Variants in TMTC4 observed in about 807,000 individuals in gnomAD.
The protein encoded by TMTC4 is protein O-mannosyl-transferase TMTC4.
A neutral mutation model predicts 86.0 loss-of-function variants in TMTC4; 65 were observed. The observed-to-expected ratio is 0.76, with a 90% confidence interval of 0.62 to 0.93. The LOEUF (loss-of-function observed/expected upper bound fraction) is 0.93. Among genes scored for constraint, TMTC4 ranks in the 40% least tolerant of loss-of-function variants. The pLI, the probability that TMTC4 is intolerant of heterozygous loss-of-function variation, is 0.00. For synonymous variants in TMTC4, 379 were observed against 382.5 expected (o/e 0.99, Z 0.11); for missense variants, 866 against 948.1 (o/e 0.91, Z 1.14).
chr13:100,642,923 C>T (rs921385550), intron 6 of TMTC4, among the ~76,000 whole-genome samples: 3 of 152,178 alleles, frequency 2.0e-5, no homozygotes, highest in African/African-American at 7.2e-5. Flanking sequence ...AGACATGGAC[C>T]AGGCTGGGCT....
At chr13:100,651,333 G>A (rs913737032) in intron 6 of TMTC4, among the ~76,000 whole-genome samples, 2 of 151,978 alleles carry the variant, frequency 1.3e-5, no homozygotes, top group African/African-American at 4.8e-5. Flanking sequence ...AACACTTTTT[G>A]TTTTGGGCAT....
At chr13:100,614,829 CT>C in intron 15 of TMTC4, 1 of 749,514 alleles carries the variant, frequency 1.3e-6, no homozygotes, top group Non-Finnish European at 1.6e-6. Flanking sequence ...CATCATTAGT[CT>C]TTTTCACTAA....
intron 12 of TMTC4, among the ~76,000 whole-genome samples, chr13:100,631,415 A>G (rs1449209504): frequency 6.6e-6 from 1 of 152,238 alleles, no homozygotes; most frequent in Non-Finnish European, 1.5e-5. Flanking sequence ...TTCATTGTTA[A>G]AAGAATTTAT....
chr13:100,668,308 T>C, intron 3 of TMTC4: 2 of 419,860 alleles, frequency 4.8e-6, no homozygotes, highest in Middle Eastern at 6.6e-4. Flanking sequence ...CTTGTAATCT[T>C]AGAATAACGG....
intron 17 of TMTC4, among the ~76,000 whole-genome samples, chr13:100,611,630 C>A (rs750725305): frequency 7.2e-5 from 11 of 152,100 alleles, no homozygotes; most frequent in Non-Finnish European, 1.6e-4. Context: ...ATGCATATTC[C>A]CTGACCTGAC....
Position 100,625,837 on chromosome 13 carries a change from T to G in TMTC4, c.1642A>C (p.Arg548=). Reference sequence around the variant, plus strand: ...TCCTCAGCTTCCTGTAGCTCATTCCTTTCTTTTAAGATATTTCCAAGATTA... The same window carrying G: ...TCCTCAGCTTCCTGTAGCTCATTCCGTTCTTTTAAGATATTTCCAAGATTA... ...MNNLGNILKE[R]NELQEAEELL... The change falls in exon 14 of 19, where the codon AGG becomes CGG. Residue 548 remains arginine (R), a synonymous_variant. Transcript: ENST00000342624. 1 of 1,613,834 alleles carries G rather than the reference T, an allele frequency of 6.2e-7. No homozygotes were observed. The highest frequency in any genetic ancestry group is 8.5e-7 in the Non-Finnish European group (1 of 1,179,990).
chr13:100,658,304 T>A (rs760366560), intron 5 of TMTC4, among the ~76,000 whole-genome samples: 5 of 151,830 alleles, frequency 3.3e-5, no homozygotes, highest in Admixed American at 6.6e-5. Flanking sequence ...ACGCAGAAGC[T>A]CAGGTATCAT....
intron 5 of TMTC4, 92 bp from the exon 6 acceptor site, chr13:100,656,560 T>TTTTTTTTTTTTTTGC (rs1885145547): frequency 4.4e-6 from 3 of 674,322 alleles, no homozygotes; most frequent in Non-Finnish European, 6.5e-6. Flanking sequence ...TTTTTTTTTT[T>TTTTTTTTTTTTTTGC]GCGACAGGGT....
upstream of TMTC4, chr13:100,674,846 G>GCGCACCCGACCCCCCC: frequency 3.1e-6 from 3 of 974,580 alleles, no homozygotes; most frequent in Non-Finnish European, 3.7e-6. Context: ...GCCGCCCGCC[G>GCGCACCCGACCCCCCC]CGCACCCGAC....
intron 6 of TMTC4, among the ~76,000 whole-genome samples, chr13:100,646,837 A>G (rs1883816876): frequency 1.3e-5 from 2 of 152,364 alleles, no homozygotes; most frequent in Middle Eastern, 6.8e-3. Flanking sequence ...TAAATTACAC[A>G]TAATTCCAAT....
chr13:100,639,418 C>T (rs149918953), intron 7 of TMTC4, among the ~76,000 whole-genome samples: 5 of 152,354 alleles, frequency 3.3e-5, no homozygotes, highest in East Asian at 1.9e-4. Context: ...ATGCTCCCTG[C>T]GTAGCAGCCA....
chr13:100,644,738 T>A (rs1267057896), intron 6 of TMTC4, among the ~76,000 whole-genome samples: 1 of 152,202 alleles, frequency 6.6e-6, no homozygotes, highest in Non-Finnish European at 1.5e-5. Flanking sequence ...TGAGGCACTT[T>A]AAAGCTTTTC....
In TMTC4 at chr13:100,664,188, G is replaced by A. The variant is rs753155227; in HGVS notation, c.335+33C>T. 8 of 1,556,918 alleles carry A rather than the reference G, an allele frequency of 5.1e-6. No individual in the cohort carries two copies. The Admixed American group carries it at 1.5e-4, about 29-fold the overall frequency. On this transcript the variant is annotated intron_variant, in intron 4 of 18. Transcript: ENST00000342624. ...CCAATGTCACACACAAGCTGGGAGGGACCTTCCCAGGCCCTTCAATGTCAC... is the reference window on the plus strand; with the variant it reads ...CCAATGTCACACACAAGCTGGGAGGAACCTTCCCAGGCCCTTCAATGTCAC...
At position 100,637,526 on chromosome 13, in the gene TMTC4, C is replaced by A; in HGVS notation, c.999+12G>T. The A allele has an allele frequency of 6.2e-7, 1 of 1,607,072 alleles. No individual in the cohort carries two copies. Among genetic ancestry groups the A allele is most frequent in the Non-Finnish European group, 8.5e-7 (1 of 1,175,818 alleles). On this transcript the variant is annotated intron_variant, in intron 9 of 18. Coordinates refer to ENST00000342624, the MANE Select transcript of TMTC4 (RefSeq NM_032813.5). The stretch of plus-strand genomic sequence containing the variant: ...AGAAAAGAGTCCAGGGGGCGGCAGG[C>A]TCAGAACTCACCCTCACCAGCATGC...
chr13:100,607,473 C>T lies in TMTC4; in HGVS notation c.2065-1046G>A, dbSNP rs564650702. Among the ~76,000 whole-genome samples the T allele has an allele frequency of 3.5e-4, 53 of 151,344 alleles. 1 individual carries two copies. The highest frequency in any genetic ancestry group is 9.2e-4 in the Admixed American group (14 of 15,198). ...AGGAGGTTGCGGTGAGCCGAGACTG[C>T]GCCACTGCACTCCAGCCTGGGCAAG... On this transcript the variant is annotated intron_variant, in intron 17 of 18. Coordinates refer to ENST00000342624, the MANE Select transcript of TMTC4 (RefSeq NM_032813.5).
At chr13:100,629,350 C>G (rs879049816) in intron 12 of TMTC4, among the ~76,000 whole-genome samples, 2 of 152,138 alleles carry the variant, frequency 1.3e-5, no homozygotes, top group East Asian at 3.9e-4. Flanking sequence ...GCTGGCACAC[C>G]TTGAGTGGCA....
At chr13:100,616,262 A>T (rs577679853) in intron 15 of TMTC4, among the ~76,000 whole-genome samples, 46 of 151,996 alleles carry the variant, frequency 3.0e-4, no homozygotes, top group Admixed American at 2.7e-3. Context: ...GGAGTGCAGT[A>T]GCACAATCTC....
At chr13:100,606,638 G>C (rs1218135189) in intron 17 of TMTC4, among the ~76,000 whole-genome samples, 1 of 152,180 alleles carries the variant, frequency 6.6e-6, no homozygotes, top group African/African-American at 2.4e-5. Context: ...CCGCAGAGAG[G>C]GGATGAACAT....
At chr13:100,657,005 A>G (rs1288861811) in intron 5 of TMTC4, among the ~76,000 whole-genome samples, 2 of 152,142 alleles carry the variant, frequency 1.3e-5, no homozygotes, top group African/African-American at 4.8e-5. Flanking sequence ...CTTCAAGAGA[A>G]CACTGGATTG....
Sources: gnomAD v4.1 joint callset for allele counts (sites outside exome capture counted in the v4.1 genomes callset) on GRCh38, gnomAD v4.1.1 for gene constraint, MANE v1.5 for transcripts, NCBI Gene and HGNC (gene_info 2026-07-23, HGNC 2026-07-21) for gene names.